DEPTOR: variants seen among roughly 807,000 people sequenced by gnomAD.
DEPTOR encodes the protein DEP domain-containing mTOR-interacting protein.
A neutral mutation model predicts 41.6 loss-of-function variants in DEPTOR; 41 were observed. The ratio of observed to expected loss-of-function variants is 0.98; its 90% CI spans 0.77 to 1.28. The LOEUF (loss-of-function observed/expected upper bound fraction) is 1.28, where lower values mean the gene tolerates loss of function less well. DEPTOR is among the 50% of genes most tolerant of loss of function. The pLI is 0.00. For missense variants in DEPTOR, 514 were observed against 527.9 expected (o/e 0.97, Z 0.26); for synonymous variants, 195 against 192.3 (o/e 1.01, Z -0.12).
At chr8:119,968,918 AC>A (rs2129980075) in intron 4 of DEPTOR, among the ~76,000 whole-genome samples, 1 of 151,922 alleles carries the variant, frequency 6.6e-6, no homozygotes, top group South Asian at 2.1e-4. Flanking sequence ...ACATTGTGAA[AC>A]CCCGTCTCTA....
intron 1 of DEPTOR, among the ~76,000 whole-genome samples, chr8:119,920,108 A>C (rs185193236): frequency 3.4e-5 from 5 of 149,074 alleles, no homozygotes; most frequent in African/African-American, 1.2e-4. Context: ...TTTTTTTCTT[A>C]ATTTATATTT....
intron 8 of DEPTOR, among the ~76,000 whole-genome samples, chr8:120,010,087 C>T (rs2130106854): frequency 6.6e-6 from 1 of 152,182 alleles, no homozygotes; most frequent in East Asian, 1.9e-4. Context: ...ATCTGGAGAT[C>T]TAGATCTCGG....
At chr8:120,028,883 G>A (rs943425280) in intron 8 of DEPTOR, among the ~76,000 whole-genome samples, 2 of 151,640 alleles carry the variant, frequency 1.3e-5, no homozygotes, top group East Asian at 2.0e-4. Flanking sequence ...TCAGGAGTTC[G>A]AGACCAGCCT....
intron 2 of DEPTOR, 80 bp downstream of exon 2, chr8:119,928,658 G>A: frequency 6.9e-7 from 1 of 1,457,704 alleles, no homozygotes. Context: ...ACTTAAGAAA[G>A]AAAACATTTT....
chr8:119,997,775 A>G (rs13250866), intron 4 of DEPTOR, among the ~76,000 whole-genome samples: 8 of 152,350 alleles, frequency 5.3e-5, no homozygotes, highest in African/African-American at 1.9e-4. Context: ...AAATATAGTT[A>G]CAACCCTAGA....
rs573992308 is a variant in DEPTOR at position 119,996,844 on chromosome 8, A to G, written c.605-4681A>G. 2.6e-5 allele frequency among the ~76,000 whole-genome samples: 4 copies of G among 152,346 alleles called. No individual in the cohort carries two copies. The South Asian group carries it at 8.3e-4, about 32-fold the overall frequency. On this transcript the variant is annotated intron_variant, in intron 4 of 8. Transcript: ENST00000286234. Reference sequence around the variant, plus strand: ...TATATTTGCAGGTTATAATTTTAAGATACTGTTGCCAAAGCCAACTTGAGG... The same window carrying G: ...TATATTTGCAGGTTATAATTTTAAGGTACTGTTGCCAAAGCCAACTTGAGG...
rs576475685 is a variant in DEPTOR, at chr8:119,978,418, T to C, written c.604+13008T>C. Among the ~76,000 whole-genome samples, 3 of 152,280 alleles carry C rather than the reference T, an allele frequency of 2.0e-5. No homozygotes were observed. The South Asian group carries it at 6.2e-4, about 32-fold the overall frequency. ...AGAGAGTTCAAACTTCAGATTCTGA[T>C]ATGCTTCATCTCTCTCCTGGTCAAA... On this transcript the variant is annotated intron_variant, in intron 4 of 8. Transcript: ENST00000286234.
intron 3 of DEPTOR, among the ~76,000 whole-genome samples, chr8:119,934,634 C>T (rs1297312666): frequency 6.6e-6 from 1 of 152,220 alleles, no homozygotes; most frequent in African/African-American, 2.4e-5. Flanking sequence ...GAGCACACTG[C>T]TTGACATGGA....
At chr8:119,989,447 G>T (rs1178836669) in intron 4 of DEPTOR, among the ~76,000 whole-genome samples, 1 of 152,168 alleles carries the variant, frequency 6.6e-6, no homozygotes, top group Non-Finnish European at 1.5e-5. Context: ...CCTTGAAATG[G>T]GAGGCAGTCT....
intron 4 of DEPTOR, among the ~76,000 whole-genome samples, chr8:119,968,383 G>A (rs545071924): frequency 3.3e-5 from 5 of 151,522 alleles, no homozygotes; most frequent in African/African-American, 7.3e-5. Flanking sequence ...GGCAGATCTC[G>A]GCTCACTGCC....
intron 8 of DEPTOR, among the ~76,000 whole-genome samples, chr8:120,009,903 A>C (rs1274973892): frequency 6.6e-6 from 1 of 152,100 alleles, no homozygotes; most frequent in Admixed American, 6.6e-5. Flanking sequence ...ACCAATACTG[A>C]ATTTGAAAAA....
intron 1 of DEPTOR, among the ~76,000 whole-genome samples, chr8:119,884,425 A>G (rs1827337594): frequency 1.3e-5 from 2 of 152,342 alleles, no homozygotes; most frequent in Non-Finnish European, 1.5e-5. Context: ...GAGGAATACT[A>G]TGCGAGTCGT....
intron 8 of DEPTOR, among the ~76,000 whole-genome samples, chr8:120,023,713 T>C (rs1051245675): frequency 6.6e-6 from 1 of 152,222 alleles, no homozygotes; most frequent in South Asian, 2.1e-4. Context: ...TGGATTTTTT[T>C]GTTTTTTTGT....
chr8:120,033,923 A>C (rs1273626880), intron 8 of DEPTOR, among the ~76,000 whole-genome samples: 1 of 152,050 alleles, frequency 6.6e-6, no homozygotes, highest in Non-Finnish European at 1.5e-5. Flanking sequence ...AGACAAATGA[A>C]GGGGCGGGTG....
intron 4 of DEPTOR, among the ~76,000 whole-genome samples, chr8:119,991,086 C>CTTTCTTTCTTTCTTTCT: frequency 9.3e-6 from 1 of 107,556 alleles, no homozygotes. Flanking sequence ...TTCTTTCTTT[C>CTTTCTTTCTTTCTTTCT]TTTTTCTTTC....
At chr8:119,893,417 A>C (rs1353542168) in intron 1 of DEPTOR, among the ~76,000 whole-genome samples, 1 of 152,176 alleles carries the variant, frequency 6.6e-6, no homozygotes, top group Non-Finnish European at 1.5e-5. Flanking sequence ...GAATTTGGGC[A>C]TTATCTGGAC....
chr8:119,928,650 T>G, intron 2 of DEPTOR, 72 bp downstream of exon 2: 2 of 1,494,204 alleles, frequency 1.3e-6, no homozygotes, highest in Non-Finnish European at 1.8e-6. Context: ...ACATACCCAC[T>G]TAAGAAAGAA....
chr8:119,881,131 C>A (rs1827291981), intron 1 of DEPTOR, among the ~76,000 whole-genome samples: 1 of 152,228 alleles, frequency 6.6e-6, no homozygotes, highest in Non-Finnish European at 1.5e-5. Flanking sequence ...CAGGCTCTTA[C>A]AGGCTTACTA....
Position 119,949,904 on chromosome 8 carries a change from TC to T in DEPTOR, c.426-15326del, listed in dbSNP as rs557476568. 5.7e-3 allele frequency among the ~76,000 whole-genome samples: 863 copies of T among 152,306 alleles called. 5 individuals are homozygous for T. The highest frequency in any genetic ancestry group is 0.02 in the African/African-American group (818 of 41,562). On this transcript the variant is annotated intron_variant, in intron 3 of 8. Transcript: ENST00000286234. The stretch of plus-strand genomic sequence containing the variant: ...TATGTTGGCCCGGCTGGTCTTGAAC[TC>T]CTGACCTCAGGTGATCCACCCACCT...
Sources: gnomAD v4.1 joint callset for allele counts (sites outside exome capture counted in the v4.1 genomes callset) on GRCh38, gnomAD v4.1.1 for gene constraint, MANE v1.5 for transcripts, NCBI Gene and HGNC (gene_info 2026-07-23, HGNC 2026-07-21) for gene names.